Variants in GRM8 observed in about 807,000 individuals in gnomAD.
GRM8 encodes glutamate metabotropic receptor 8.
GRM8 carries 47 observed loss-of-function variants against 87.2 expected under a neutral mutation model. That is an observed-to-expected ratio of 0.54 (90% CI 0.43 to 0.69). The LOEUF is 0.69. Among genes scored for constraint, GRM8 ranks in the 30% least tolerant of loss-of-function variants. The probability of loss-of-function intolerance (pLI) is 0.00; values close to 1 mark genes in which losing one functional copy is unlikely to be tolerated. For missense variants in GRM8, 1,019 were observed against 1,139.2 expected (o/e 0.89, Z 1.52); for synonymous variants, 396 against 404.5 (o/e 0.98, Z 0.25).
chr7:126,992,789 C>G (rs528588655), intron 3 of GRM8, among the ~76,000 whole-genome samples: 2 of 151,054 alleles, frequency 1.3e-5, no homozygotes, highest in Non-Finnish European at 3.0e-5. Flanking sequence ...CACCAGAGAG[C>G]GTGCCATCTC....
chr7:127,140,236 G>A (rs1216612068), intron 2 of GRM8, among the ~76,000 whole-genome samples: 1 of 152,058 alleles, frequency 6.6e-6, no homozygotes, highest in East Asian at 1.9e-4. Context: ...GGGCCATCCT[G>A]TGCATTTTAA....
intron 9 of GRM8, among the ~76,000 whole-genome samples, chr7:126,528,579 G>T (rs1389163511): frequency 6.6e-6 from 1 of 150,742 alleles, no homozygotes; most frequent in African/African-American, 2.4e-5. Flanking sequence ...TGAGTTATTA[G>T]TACAAAAAAA....
intron 8 of GRM8, among the ~76,000 whole-genome samples, chr7:126,556,560 T>A (rs1039271073): frequency 2.6e-5 from 4 of 152,086 alleles, no homozygotes; most frequent in Admixed American, 2.0e-4. Context: ...GGCAGGAGAA[T>A]TGCTTGAACG....
At chr7:126,528,617 TGTG>T (rs1814297728) in intron 9 of GRM8, among the ~76,000 whole-genome samples, 1 of 22,112 alleles carries the variant, frequency 4.5e-5, no homozygotes, top group Non-Finnish European at 1.0e-4. Flanking sequence ...AAAGAAGTTG[TGTG>T]TGTGTGTGTG....
At chr7:126,876,102 AT>A (rs1248358868) in intron 6 of GRM8, among the ~76,000 whole-genome samples, 2 of 152,150 alleles carry the variant, frequency 1.3e-5, no homozygotes, top group African/African-American at 4.8e-5. Flanking sequence ...ACAGCTTTCC[AT>A]GATCTCCTCA....
rs549075585 is a variant in GRM8, at chr7:127,197,219, T to C, written c.510+45476A>G. Among the ~76,000 whole-genome samples the C allele has an allele frequency of 6.6e-5, 10 of 152,342 alleles. No individual in the cohort carries two copies. The South Asian group carries it at 1.7e-3, about 25-fold the overall frequency. ...TCAAATTCTCAAGATTTCTAACTAA[T>C]TTCCAAAAGGGCTTCTAATCTACTT... On this transcript the variant is annotated intron_variant, in intron 2 of 10. Coordinates refer to ENST00000339582, the MANE Select transcript of GRM8 (RefSeq NM_000845.3).
At chr7:126,482,026 T>C (rs888442531) in intron 9 of GRM8, among the ~76,000 whole-genome samples, 7 of 152,022 alleles carry the variant, frequency 4.6e-5, no homozygotes, top group African/African-American at 1.4e-4. Flanking sequence ...TCAAAGAAGA[T>C]TATGAATGGC....
intron 8 of GRM8, among the ~76,000 whole-genome samples, chr7:126,563,968 A>G (rs984138446): frequency 2.6e-5 from 4 of 152,222 alleles, no homozygotes; most frequent in Non-Finnish European, 5.9e-5. Flanking sequence ...TATAAAAATT[A>G]TAATAGAGTT....
At chr7:126,554,631 G>A (rs369832814) in intron 8 of GRM8, among the ~76,000 whole-genome samples, 8 of 151,984 alleles carry the variant, frequency 5.3e-5, no homozygotes, top group African/African-American at 1.9e-4. Flanking sequence ...AGGAAGAAAA[G>A]AACAAAAGGC....
intron 3 of GRM8, chr7:127,080,819 T>C (rs953232882): frequency 5.3e-5 from 8 of 152,182 alleles, no homozygotes; most frequent in African/African-American, 1.9e-4. Flanking sequence ...AGGAGCTGGA[T>C]CCTCGCTGCC....
intron 7 of GRM8, among the ~76,000 whole-genome samples, chr7:126,710,153 C>A (rs1454966401): frequency 6.6e-6 from 1 of 152,144 alleles, no homozygotes; most frequent in Non-Finnish European, 1.5e-5. Flanking sequence ...GCTTAAAATG[C>A]TAATTATCAT....
chr7:127,126,853 C>A (rs376142136), intron 2 of GRM8, among the ~76,000 whole-genome samples: 1 of 151,758 alleles, frequency 6.6e-6, no homozygotes, highest in East Asian at 1.9e-4. Context: ...AGACTTTTAC[C>A]AAGAATTTTT....
At chr7:126,505,575 G>A (rs1810329825) in intron 9 of GRM8, among the ~76,000 whole-genome samples, 1 of 151,726 alleles carries the variant, frequency 6.6e-6, no homozygotes, top group Non-Finnish European at 1.5e-5. Flanking sequence ...GGTAAATAAA[G>A]TCCTAACAAG....
At chr7:126,831,696 C>A (rs550922328) in intron 6 of GRM8, among the ~76,000 whole-genome samples, 1 of 152,072 alleles carries the variant, frequency 6.6e-6, no homozygotes, top group African/African-American at 2.4e-5. Flanking sequence ...GTGCACAGTG[C>A]GCTGCACCCA....
intron 2 of GRM8, among the ~76,000 whole-genome samples, chr7:127,171,589 AG>A (rs1475368059): frequency 6.6e-6 from 1 of 152,248 alleles, no homozygotes; most frequent in Admixed American, 6.5e-5. Flanking sequence ...CTGAAGCCTT[AG>A]ATGATCATTA....
chr7:126,642,228 C>G (rs573392361), intron 7 of GRM8, among the ~76,000 whole-genome samples: 1 of 152,184 alleles, frequency 6.6e-6, no homozygotes, highest in African/African-American at 2.4e-5. Context: ...TTGCACAACT[C>G]GGCTTTGTGC....
At chr7:126,713,628 G>A (rs567412469) in intron 7 of GRM8, among the ~76,000 whole-genome samples, 10 of 150,844 alleles carry the variant, frequency 6.6e-5, no homozygotes, top group Non-Finnish European at 1.3e-4. Flanking sequence ...AAAAAAAAAG[G>A]TATGCCTGTA....
chr7:126,789,671 C>T (rs553255490), intron 6 of GRM8, among the ~76,000 whole-genome samples: 3 of 152,160 alleles, frequency 2.0e-5, no homozygotes, highest in Admixed American at 6.5e-5. Flanking sequence ...TGCAGAAATA[C>T]GAAAAATGCT....
rs1554492200 is a variant in GRM8, at chr7:126,788,420, A to ACAAAAAAAAAAAAAAC, written c.1157-18356_1157-18355insGTTTTTTTTTTTTTTG. 6.2e-5 allele frequency among the ~76,000 whole-genome samples: 5 copies of ACAAAAAAAAAAAAAAC among 81,134 alleles called. 1 individual carries two copies. The highest frequency in any genetic ancestry group is 2.3e-4 in the African/African-American group (5 of 21,824). 53.2% of individuals were successfully genotyped at this position (81,134 alleles called of 152,430 possible). On this transcript the variant is annotated intron_variant, in intron 6 of 10. Coordinates refer to ENST00000339582, the MANE Select transcript of GRM8 (RefSeq NM_000845.3). ...GCAAGACTCCATCTCAAAAAAAAAA[A>ACAAAAAAAAAAAAAAC]AAACCCTTTCAGATATCTTTAACAT...
Sources: allele counts gnomAD v4.1 joint callset (sites outside exome capture counted in the v4.1 genomes callset), GRCh38; gene constraint gnomAD v4.1.1; transcripts MANE v1.5; gene names NCBI Gene and HGNC (gene_info 2026-07-23, HGNC 2026-07-21).